The following AGBL1 variants were observed in gnomAD, a reference collection of about 807,000 sequenced individuals.
AGBL1 encodes the protein cytosolic carboxypeptidase 4.
A neutral mutation model predicts 118.9 loss-of-function variants in AGBL1; 130 were observed. That is an observed-to-expected ratio of 1.09 (90% CI 0.95 to 1.26). The LOEUF is 1.26. AGBL1 is among the 50% of genes most tolerant of loss of function. AGBL1 has a pLI of 0.00. For synonymous variants in AGBL1, 555 were observed against 478.9 expected (o/e 1.16, Z -2.08); for missense variants, 1,584 against 1,298.1 (o/e 1.22, Z -3.38).
At chr15:86,236,764 A>G (rs913029440) in intron 6 of AGBL1, among the ~76,000 whole-genome samples, 1 of 152,010 alleles carries the variant, frequency 6.6e-6, no homozygotes, top group African/African-American at 2.4e-5. Context: ...GGCAGAAATC[A>G]GCTGGAGGCT....
chr15:86,763,161 C>T (rs568563412), intron 22 of AGBL1, among the ~76,000 whole-genome samples: 2 of 151,824 alleles, frequency 1.3e-5, no homozygotes, highest in African/African-American at 4.8e-5. Flanking sequence ...ACAAGGATGA[C>T]AACAACAACA....
At chr15:86,545,075 C>T (rs9920348) in intron 19 of AGBL1, among the ~76,000 whole-genome samples, 98,306 of 152,002 alleles carry the variant, frequency 0.65, 33,491 homozygotes, top group East Asian at 0.88. Flanking sequence ...GCAGATATGA[C>T]GTTTGCCACG....
At chr15:86,864,315 A>G (rs148682326) in intron 22 of AGBL1, among the ~76,000 whole-genome samples, 5 of 152,334 alleles carry the variant, frequency 3.3e-5, no homozygotes, top group African/African-American at 1.2e-4. Context: ...GCATTGACTC[A>G]TAGGAAAATA....
chr15:86,395,181 A>C (rs2081345482), intron 17 of AGBL1, among the ~76,000 whole-genome samples: 1 of 152,100 alleles, frequency 6.6e-6, no homozygotes, highest in East Asian at 1.9e-4. Context: ...TATATAAGAA[A>C]GGATCTTACC....
At chr15:86,307,536 G>T (rs112668551) in intron 17 of AGBL1, among the ~76,000 whole-genome samples, 5 of 152,140 alleles carry the variant, frequency 3.3e-5, no homozygotes, top group African/African-American at 1.2e-4. Context: ...GATGATGGAA[G>T]TAAGACCTAG....
intron 22 of AGBL1, among the ~76,000 whole-genome samples, chr15:86,881,469 C>T (rs1464229475): frequency 6.6e-6 from 1 of 152,142 alleles, no homozygotes; most frequent in Non-Finnish European, 1.5e-5. Flanking sequence ...ACAGTCATTC[C>T]TCCTTGCCTG....
At chr15:86,287,257 CT>C in intron 16 of AGBL1, among the ~76,000 whole-genome samples, 1 of 152,168 alleles carries the variant, frequency 6.6e-6, no homozygotes, top group South Asian at 2.1e-4. Flanking sequence ...ATATTAGCCC[CT>C]TATCTGATGT....
chr15:86,766,256 G>T (rs944601568), intron 22 of AGBL1, among the ~76,000 whole-genome samples: 1 of 151,832 alleles, frequency 6.6e-6, no homozygotes, highest in African/African-American at 2.4e-5. Flanking sequence ...CTCCCAGGGT[G>T]TACCGCCTCC....
rs181891452 is a variant in AGBL1, at chr15:86,352,550, C to T, written c.2375-44816C>T. Reference sequence around the variant, plus strand: ...GGAGCGCATTACATTGGCACCATCTCGGCTCACTGCAACCTCTGCCTCCCG... The same window carrying T: ...GGAGCGCATTACATTGGCACCATCTTGGCTCACTGCAACCTCTGCCTCCCG... On this transcript the variant is annotated intron_variant, in intron 17 of 22. Transcript: ENST00000614907. Among the ~76,000 whole-genome samples the T allele has an allele frequency of 6.9e-3, 1,043 of 151,864 alleles. 4 individuals carry two copies. Among genetic ancestry groups the T allele is most frequent in the Non-Finnish European group, 0.011 (720 of 67,958 alleles).
At chr15:86,435,420 C>T (rs1412801610) in intron 18 of AGBL1, among the ~76,000 whole-genome samples, 2 of 152,122 alleles carry the variant, frequency 1.3e-5, no homozygotes, top group Non-Finnish European at 2.9e-5. Flanking sequence ...GGATGAGAGT[C>T]AATAGTTTCA....
At chr15:86,414,132 A>AC (rs2142014185) in intron 18 of AGBL1, among the ~76,000 whole-genome samples, 1 of 152,310 alleles carries the variant, frequency 6.6e-6, no homozygotes, top group Admixed American at 6.5e-5. Flanking sequence ...ATGTATACAC[A>AC]TGAACATAGA....
rs2132656 is a variant in AGBL1 at position 86,225,466 on chromosome 15, G to C, written c.526+515G>C. 1.5e-3 allele frequency among the ~76,000 whole-genome samples: 224 copies of C among 152,304 alleles called. 3 individuals carry two copies. In the South Asian group the frequency reaches 0.045, roughly 31 times the overall value. On this transcript the variant is annotated intron_variant, in intron 6 of 22. Transcript: ENST00000614907. ...TGCTGGGAATTGCTTGGACAATGAT[G>C]ATGCTGATAACAAATTTATATTTAA... is the stretch of plus-strand genomic sequence containing the variant.
At chr15:86,774,410 T>C (rs1288627784) in intron 22 of AGBL1, among the ~76,000 whole-genome samples, 1 of 152,188 alleles carries the variant, frequency 6.6e-6, no homozygotes, top group Non-Finnish European at 1.5e-5. Flanking sequence ...GAGTCTTTAA[T>C]ACATACTTTT....
At chr15:86,416,665 G>C (rs1286183409) in intron 18 of AGBL1, among the ~76,000 whole-genome samples, 2 of 152,162 alleles carry the variant, frequency 1.3e-5, no homozygotes, top group African/African-American at 4.8e-5. Context: ...TGGCCACTGA[G>C]AGACTCAGCC....
At chr15:86,860,950 C>A (rs751109937) in intron 22 of AGBL1, among the ~76,000 whole-genome samples, 5 of 152,094 alleles carry the variant, frequency 3.3e-5, no homozygotes, top group Non-Finnish European at 5.9e-5. Flanking sequence ...CCAGCCCAGG[C>A]AGGGGGCAGC....
intron 21 of AGBL1, among the ~76,000 whole-genome samples, chr15:86,644,724 G>A (rs1244741927): frequency 6.6e-6 from 1 of 151,864 alleles, no homozygotes; most frequent in African/African-American, 2.4e-5. Context: ...AAGGAGACGT[G>A]GCTGGGCGTG....
At chr15:86,398,523 A>G (rs575759048) in intron 18 of AGBL1, among the ~76,000 whole-genome samples, 1 of 152,266 alleles carries the variant, frequency 6.6e-6, no homozygotes, top group African/African-American at 2.4e-5. Flanking sequence ...TCAAAGAAGC[A>G]AAAAAGAAGT....
chr15:86,408,283 A>G (rs2081561236), intron 18 of AGBL1, among the ~76,000 whole-genome samples: 1 of 152,330 alleles, frequency 6.6e-6, no homozygotes, highest in East Asian at 1.9e-4. Context: ...ATGGGGGAGT[A>G]AAATTCCCCT....
chr15:86,740,202 G>A (rs910617519), intron 22 of AGBL1, among the ~76,000 whole-genome samples: 3 of 152,160 alleles, frequency 2.0e-5, no homozygotes, highest in African/African-American at 7.2e-5. Flanking sequence ...CTCTTTTGTT[G>A]TAAAGTATAA....
Sources: gnomAD v4.1 joint callset for allele counts (sites outside exome capture counted in the v4.1 genomes callset) on GRCh38, gnomAD v4.1.1 for gene constraint, MANE v1.5 for transcripts, NCBI Gene and HGNC (gene_info 2026-07-23, HGNC 2026-07-21) for gene names.